SAMD4A: variants seen among roughly 807,000 people sequenced by gnomAD.
SAMD4A encodes the protein sterile alpha motif domain containing 4A, also known as protein Smaug homolog 1.
SAMD4A carries 33 observed loss-of-function variants against 81.3 expected under a neutral mutation model. The ratio of observed to expected loss-of-function variants is 0.41; its 90% CI spans 0.31 to 0.54. The LOEUF is 0.54. Among genes scored for constraint, SAMD4A ranks in the 20% least tolerant of loss-of-function variants. The pLI is 0.37. For missense variants in SAMD4A, 854 were observed against 951.1 expected, an observed-to-expected ratio of 0.90 and a Z score of 1.34; for synonymous variants, 389 against 382.1, an observed-to-expected ratio of 1.02 and a Z score of -0.21.
At chr14:54,626,057 TGTGCGCGCGC>T (rs1428506668) in intron 2 of SAMD4A, among the ~76,000 whole-genome samples, 3 of 105,794 alleles carry the variant, frequency 2.8e-5, no homozygotes, top group Admixed American at 9.1e-5. Flanking sequence ...TGTGTGTGTG[TGTGCGCGCGC>T]GCGCGCGCGA....
intron 2 of SAMD4A, among the ~76,000 whole-genome samples, chr14:54,648,305 C>A (rs1594770104): frequency 1.3e-5 from 2 of 152,158 alleles, no homozygotes; most frequent in African/African-American, 4.8e-5. Context: ...GAGGAAAGGG[C>A]AGATTGAGAC....
chr14:54,682,327 A>G (rs368277195), intron 2 of SAMD4A, among the ~76,000 whole-genome samples: 6 of 152,164 alleles, frequency 3.9e-5, no homozygotes, highest in African/African-American at 1.4e-4. Flanking sequence ...AGGCCTTTCT[A>G]TCTTCCCTGA....
intron 2 of SAMD4A, among the ~76,000 whole-genome samples, chr14:54,586,406 T>C (rs2033618950): frequency 6.6e-6 from 1 of 152,248 alleles, no homozygotes; most frequent in African/African-American, 2.4e-5. Context: ...TTATTTCTTT[T>C]GCTGTGCAGA....
At chr14:54,671,024 G>A (rs1362455905) in intron 2 of SAMD4A, among the ~76,000 whole-genome samples, 4 of 152,090 alleles carry the variant, frequency 2.6e-5, no homozygotes, top group South Asian at 2.1e-4. Context: ...GAGCTCAGGC[G>A]TGGCTGAGGG....
At position 54,706,621 on chromosome 14, in the gene SAMD4A, GA is replaced by G. The variant is rs1566596115; in HGVS notation, c.715+4044del. 1.1e-3 allele frequency among the ~76,000 whole-genome samples: 165 copies of G among 150,750 alleles called. 4 individuals carry two copies. In the Middle Eastern group the frequency reaches 0.014, roughly 12 times the overall value. ...CTCTGTCTCAAAAAAAAAAAAGAAA[GA>G]AAGAAAGAAAAAAACCAGGAAAGAA... On this transcript the variant is annotated intron_variant, in intron 3 of 12. Transcript: ENST00000554335.
At chr14:54,588,407 A>G (rs900059111) in intron 2 of SAMD4A, among the ~76,000 whole-genome samples, 15 of 148,458 alleles carry the variant, frequency 1.0e-4, no homozygotes, top group African/African-American at 3.7e-4. Context: ...GATATTTGTT[A>G]TTTCTTTTTT....
At chr14:54,701,740 G>GT (rs2036723254) in intron 2 of SAMD4A, among the ~76,000 whole-genome samples, 1 of 152,238 alleles carries the variant, frequency 6.6e-6, no homozygotes, top group Non-Finnish European at 1.5e-5. Context: ...CTATCAGGGG[G>GT]TAGGCTAGAC....
At chr14:54,594,693 T>C (rs1285932376) in intron 2 of SAMD4A, among the ~76,000 whole-genome samples, 1 of 152,208 alleles carries the variant, frequency 6.6e-6, no homozygotes, top group Non-Finnish European at 1.5e-5. Flanking sequence ...CTTTTTCCCT[T>C]GGGAACACAT....
At chr14:54,755,752 C>T (rs769333817) in intron 6 of SAMD4A, among the ~76,000 whole-genome samples, 10 of 152,140 alleles carry the variant, frequency 6.6e-5, no homozygotes, top group African/African-American at 1.7e-4. Flanking sequence ...TCTCAAGATA[C>T]GTGGTGGAAA....
chr14:54,669,600 A>G (rs1566575727), intron 2 of SAMD4A, among the ~76,000 whole-genome samples: 1 of 151,876 alleles, frequency 6.6e-6, no homozygotes, highest in Non-Finnish European at 1.5e-5. Context: ...CTAGGACCAC[A>G]GGCGTGCACC....
chr14:54,692,883 C>G (rs951902647), intron 2 of SAMD4A: 1 of 146,354 alleles, frequency 6.8e-6, no homozygotes, highest in South Asian at 2.2e-4. Context: ...AGTGCCCCCC[C>G]CCGCAAAAAA....
At chr14:54,692,663 C>T (rs948320356) in intron 2 of SAMD4A, among the ~76,000 whole-genome samples, 2 of 151,930 alleles carry the variant, frequency 1.3e-5, no homozygotes, top group African/African-American at 2.4e-5. Flanking sequence ...AGTGTGAGGG[C>T]GGCGCTGAAG....
chr14:54,739,374 T>C (rs1265181865), intron 4 of SAMD4A, among the ~76,000 whole-genome samples: 1 of 152,112 alleles, frequency 6.6e-6, no homozygotes, highest in Admixed American at 6.5e-5. Context: ...GGATTTTCTT[T>C]ATAGGCCCAA....
intron 2 of SAMD4A, among the ~76,000 whole-genome samples, chr14:54,636,469 G>C (rs939302922): frequency 4.6e-5 from 7 of 152,114 alleles, no homozygotes; most frequent in African/African-American, 1.7e-4. Context: ...CAGAAAAGTG[G>C]CATGCTCTGA....
intron 3 of SAMD4A, among the ~76,000 whole-genome samples, chr14:54,722,639 T>A (rs1443181924): frequency 2.0e-5 from 3 of 152,216 alleles, no homozygotes; most frequent in Admixed American, 6.5e-5. Flanking sequence ...TTGCCAGATC[T>A]CTCTAGGTCT....
intron 4 of SAMD4A, among the ~76,000 whole-genome samples, chr14:54,747,353 A>G (rs2037993635): frequency 6.6e-6 from 1 of 152,210 alleles, no homozygotes; most frequent in Non-Finnish European, 1.5e-5. Flanking sequence ...TCCCCACCTA[A>G]GTCTTTTGAG....
chr14:54,714,721 G>A (rs1467234219), intron 3 of SAMD4A, among the ~76,000 whole-genome samples: 1 of 152,140 alleles, frequency 6.6e-6, no homozygotes, highest in Non-Finnish European at 1.5e-5. Context: ...CAGTAGGATA[G>A]CCCTTATTGT....
chr14:54,706,787 G>T (rs920947673), intron 3 of SAMD4A, among the ~76,000 whole-genome samples: 1 of 152,024 alleles, frequency 6.6e-6, no homozygotes, highest in Admixed American at 6.6e-5. Context: ...CAAGATGGAG[G>T]ACAGTGAAGA....
intron 2 of SAMD4A, among the ~76,000 whole-genome samples, chr14:54,660,479 AT>A (rs1279881797): frequency 2.6e-5 from 4 of 152,242 alleles, no homozygotes; most frequent in Non-Finnish European, 5.9e-5. Flanking sequence ...TGGGACACTT[AT>A]CCCCTTGTGG....
Sources: allele counts gnomAD v4.1 joint callset (sites outside exome capture counted in the v4.1 genomes callset), GRCh38; gene constraint gnomAD v4.1.1; transcripts MANE v1.5; gene names NCBI Gene and HGNC (gene_info 2026-07-23, HGNC 2026-07-21).